The following HTR1F variants were observed in gnomAD, a reference collection of about 807,000 sequenced individuals.
HTR1F encodes the protein 5-hydroxytryptamine (serotonin) receptor 1F, G protein-coupled.
In HTR1F, 17 loss-of-function variants were observed where a neutral mutation model predicts 24.0. That is an observed-to-expected ratio of 0.71 (90% confidence interval 0.48 to 1.06). HTR1F has a LOEUF of 1.06. Among genes scored for constraint, HTR1F ranks in the 50% least tolerant of loss-of-function variants. The probability of loss-of-function intolerance (pLI) is 0.00; values close to 1 mark genes in which losing one functional copy is unlikely to be tolerated. For missense variants in HTR1F, 391 were observed against 427.8 expected (o/e 0.91, Z 0.76); for synonymous variants, 186 against 156.8 (o/e 1.19, Z -1.39).
intron 2 of HTR1F, among the ~76,000 whole-genome samples, chr3:87,870,316 C>T (rs1705526910): frequency 6.6e-6 from 1 of 151,988 alleles, no homozygotes; most frequent in Non-Finnish European, 1.5e-5. Context: ...ATCAAACTTT[C>T]AGAACAACAG....
At chr3:87,812,412 G>C (rs1452036504) in intron 1 of HTR1F, among the ~76,000 whole-genome samples, 1 of 129,962 alleles carries the variant, frequency 7.7e-6, no homozygotes, top group African/African-American at 3.0e-5. Flanking sequence ...TTAGCAAAGA[G>C]ACTAGTGGAA....
intron 2 of HTR1F, among the ~76,000 whole-genome samples, chr3:87,978,418 G>A (rs547168137): frequency 1.3e-5 from 2 of 152,302 alleles, no homozygotes; most frequent in East Asian, 1.9e-4. Flanking sequence ...ACTAGAGAGT[G>A]AGCAAGGTGA....
chr3:87,858,974 T>A (rs1009035736), intron 2 of HTR1F, among the ~76,000 whole-genome samples: 1 of 152,148 alleles, frequency 6.6e-6, no homozygotes, highest in Non-Finnish European at 1.5e-5. Flanking sequence ...GGAGGGTGGA[T>A]CCTCTGAGGT....
At chr3:87,898,571 A>G (rs1375606583) in intron 2 of HTR1F, among the ~76,000 whole-genome samples, 1 of 152,156 alleles carries the variant, frequency 6.6e-6, no homozygotes, top group Non-Finnish European at 1.5e-5. Context: ...TTGTAGTTTA[A>G]TTAGAAAAAA....
Position 87,949,607 on chromosome 3 carries a change from GT to G in HTR1F, c.-42-41098del, listed in dbSNP as rs60477893. Among the ~76,000 whole-genome samples, 689 of 152,188 alleles carry G rather than the reference GT, an allele frequency of 4.5e-3. 1 individual carries two copies. The highest frequency in any genetic ancestry group is 0.016 in the African/African-American group (666 of 41,532). On this transcript the variant is annotated intron_variant, in intron 2 of 2. Transcript: ENST00000319595. ...AGAAGGGATGGCTGACAGTCTTTTTGTTTCTTATTGCCACTTTCAGATCTTT... is the reference window on the plus strand; with the variant it reads ...AGAAGGGATGGCTGACAGTCTTTTTGTTCTTATTGCCACTTTCAGATCTTT...
intron 2 of HTR1F, among the ~76,000 whole-genome samples, chr3:87,940,080 T>C (rs1040168485): frequency 1.2e-4 from 18 of 152,224 alleles, no homozygotes; most frequent in African/African-American, 4.1e-4. Flanking sequence ...TTCTCATTGG[T>C]TTCAAAGAAC....
chr3:87,952,024 T>A (rs1704845015), intron 2 of HTR1F, among the ~76,000 whole-genome samples: 1 of 152,080 alleles, frequency 6.6e-6, no homozygotes, highest in African/African-American at 2.4e-5. Context: ...TAGCACTGAA[T>A]AATTGTCCAT....
chr3:87,941,270 T>C (rs1704561026), intron 2 of HTR1F, among the ~76,000 whole-genome samples: 1 of 152,204 alleles, frequency 6.6e-6, no homozygotes, highest in Non-Finnish European at 1.5e-5. Context: ...TGGGAATCCA[T>C]ATTGGGCAGA....
intron 2 of HTR1F, among the ~76,000 whole-genome samples, chr3:87,968,964 C>T (rs1705226234): frequency 6.6e-6 from 1 of 152,210 alleles, no homozygotes. Context: ...CAGCTTGGGC[C>T]ATGGATTCAG....
intron 2 of HTR1F, among the ~76,000 whole-genome samples, chr3:87,958,378 C>T (rs1218446163): frequency 6.6e-6 from 1 of 151,208 alleles, no homozygotes; most frequent in Non-Finnish European, 1.5e-5. Flanking sequence ...TTTTTTAAAA[C>T]TTCTAATATG....
intron 2 of HTR1F, among the ~76,000 whole-genome samples, chr3:87,832,182 A>C (rs1704593699): frequency 6.6e-6 from 1 of 152,168 alleles, no homozygotes; most frequent in South Asian, 2.1e-4. Flanking sequence ...ATGTGTCTTG[A>C]AAGTATTGTC....
At chr3:87,924,654 C>A (rs1704083597) in intron 2 of HTR1F, among the ~76,000 whole-genome samples, 1 of 152,106 alleles carries the variant, frequency 6.6e-6, no homozygotes, top group African/African-American at 2.4e-5. Flanking sequence ...CTATTCTTGG[C>A]TGTCAGTATT....
rs1315591845 is a variant in HTR1F at position 87,987,640 on chromosome 3, TTTTA to T, written c.-42-3066_-42-3063del. Among the ~76,000 whole-genome samples the T allele has an allele frequency of 4.2e-3, 18 of 4,274 alleles. 1 individual carries two copies. In the East Asian group the frequency reaches 0.23, roughly 55 times the overall value. The allele number at this position is 4,274 out of a possible 152,430, so 2.8% of individuals were successfully genotyped here. On this transcript the variant is annotated intron_variant, in intron 2 of 2. Transcript: ENST00000319595. Reference sequence around the variant, plus strand: ...AATATATATATATATAATATATGTATTTTATATATATATATATAAAAATATATGT... The same window carrying T: ...AATATATATATATATAATATATGTATTATATATATATATAAAAATATATGT...
intron 2 of HTR1F, among the ~76,000 whole-genome samples, chr3:87,945,228 G>A (rs1214047640): frequency 6.6e-6 from 1 of 151,974 alleles, no homozygotes; most frequent in Admixed American, 6.6e-5. Flanking sequence ...CCCATGTCGA[G>A]AGCTGTACAC....
At chr3:87,972,630 T>C (rs2107498345) in intron 2 of HTR1F, among the ~76,000 whole-genome samples, 1 of 152,268 alleles carries the variant, frequency 6.6e-6, no homozygotes, top group Admixed American at 6.5e-5. Context: ...TATATTCTTT[T>C]CAATCCCTTC....
chr3:87,976,203 G>T (rs1392761207), intron 2 of HTR1F, among the ~76,000 whole-genome samples: 1 of 152,048 alleles, frequency 6.6e-6, no homozygotes, highest in African/African-American at 2.4e-5. Flanking sequence ...AGAATACAAT[G>T]GAAGAGCATA....
intron 2 of HTR1F, among the ~76,000 whole-genome samples, chr3:87,873,133 CAG>C (rs3079048): frequency 1.1e-3 from 145 of 130,296 alleles, no homozygotes; most frequent in Non-Finnish European, 1.7e-3. Context: ...CACACACACA[CAG>C]AGAGATTTAT....
chr3:87,863,317 A>G (rs1311221308), intron 2 of HTR1F, among the ~76,000 whole-genome samples: 1 of 152,010 alleles, frequency 6.6e-6, no homozygotes, highest in Non-Finnish European at 1.5e-5. Context: ...ATAGGCTGAG[A>G]TTTTCCAAAG....
chr3:87,875,081 T>G (rs1360941702), intron 2 of HTR1F, among the ~76,000 whole-genome samples: 1 of 152,178 alleles, frequency 6.6e-6, no homozygotes, highest in East Asian at 1.9e-4. Context: ...TGGGCAATAA[T>G]TTTTTGGATA....
Sources: allele counts gnomAD v4.1 joint callset (sites outside exome capture counted in the v4.1 genomes callset), GRCh38; gene constraint gnomAD v4.1.1; transcripts MANE v1.5; gene names NCBI Gene and HGNC (gene_info 2026-07-23, HGNC 2026-07-21).